Variants in ENOX2 observed in about 807,000 individuals in gnomAD.
The protein encoded by ENOX2 is ecto-NOX disulfide-thiol exchanger 2, also known as APK1 antigen.
ENOX2 carries 36 observed loss-of-function variants against 45.0 expected under a neutral mutation model. The ratio of observed to expected loss-of-function variants is 0.80; its 90% CI spans 0.61 to 1.06. The LOEUF (loss-of-function observed/expected upper bound fraction) is 1.06, where lower values mean the gene tolerates loss of function less well. Ranked by LOEUF, ENOX2 falls within the 50% of genes least tolerant of loss-of-function variation. The pLI, the probability that ENOX2 is intolerant of heterozygous loss-of-function variation, is 0.00. For missense variants in ENOX2, 423 were observed against 462.5 expected, an observed-to-expected ratio of 0.91 and a Z score of 0.78; for synonymous variants, 174 against 152.3, an observed-to-expected ratio of 1.14 and a Z score of -1.05.
chrX:130,629,459 C>A (rs990959506), intron 13 of ENOX2, among the ~76,000 whole-genome samples: 1 of 112,617 alleles, frequency 8.9e-6, no homozygotes, highest in African/African-American at 3.2e-5. Context: ...TTTTAAGAAT[C>A]TTTTTTTCTA....
intron 2 of ENOX2, among the ~76,000 whole-genome samples, chrX:130,827,653 GAATA>G (rs753043620): frequency 1.4e-4 from 16 of 111,378 alleles, no homozygotes; most frequent in Non-Finnish European, 1.7e-4. Context: ...CTATATTAAT[GAATA>G]AATAAATAGA....
rs58614647 is a variant in ENOX2, at chrX:130,722,750, G to T, written c.-38-19496C>A. 4.7e-3 allele frequency among the ~76,000 whole-genome samples: 527 copies of T among 112,150 alleles called. 5 individuals are homozygous for T. Among genetic ancestry groups the T allele is most frequent in the African/African-American group, 0.017 (511 of 30,868 alleles). ...GCGGGGATTATTAAATTCCACCTAA[G>T]CTCATCAGAGGAGAGAATTGAGGTT... On this transcript the variant is annotated intron_variant, in intron 3 of 14. Transcript: ENST00000394363.
intron 3 of ENOX2, among the ~76,000 whole-genome samples, chrX:130,717,512 T>C (rs1358540324): frequency 1.8e-5 from 2 of 112,070 alleles, no homozygotes; most frequent in Admixed American, 1.9e-4. Context: ...AAATCACCAC[T>C]TCTTGAGAAA....
At chrX:130,752,565 TG>T (rs1427105130) in intron 3 of ENOX2, among the ~76,000 whole-genome samples, 4 of 110,997 alleles carry the variant, frequency 3.6e-5, no homozygotes, top group Middle Eastern at 4.6e-3. Flanking sequence ...CGGTTCTACC[TG>T]ATTCTCCTGA....
chrX:130,744,934 T>C (rs2039066356), intron 3 of ENOX2, among the ~76,000 whole-genome samples: 1 of 111,137 alleles, frequency 9.0e-6, no homozygotes, highest in Non-Finnish European at 1.9e-5. Flanking sequence ...CGAACCCTAT[T>C]GTGAATTGTG....
At position 130,625,074 on chromosome X, in the gene ENOX2, C is replaced by A. The variant is rs957313005; in HGVS notation, c.*240G>T. The A allele has an allele frequency of 2.7e-5, 9 of 332,588 alleles. No individual in the cohort carries two copies. The highest frequency in any genetic ancestry group is 2.4e-4 in the African/African-American group (9 of 37,777). 27.4% of individuals were successfully genotyped at this position (332,588 alleles called of 1,213,427 possible). ...TCAGGACTTTTGCAATATTTAAAGACAACCAATTGACAGAAAGGGGAGGAA... is the reference window on the plus strand; with the variant it reads ...TCAGGACTTTTGCAATATTTAAAGAAAACCAATTGACAGAAAGGGGAGGAA... On this transcript the variant is annotated 3_prime_UTR_variant, in exon 15 of 15. Coordinates refer to ENST00000394363, the MANE Select transcript of ENOX2 (RefSeq NM_006375.4).
intron 3 of ENOX2, among the ~76,000 whole-genome samples, chrX:130,729,757 A>G (rs1006552536): frequency 1.8e-5 from 2 of 112,672 alleles, no homozygotes; most frequent in Admixed American, 1.9e-4. Context: ...GGCCTGCTCA[A>G]TCACTAGAAA....
intron 2 of ENOX2, among the ~76,000 whole-genome samples, chrX:130,861,348 A>T (rs911625211): frequency 5.4e-5 from 6 of 111,437 alleles, no homozygotes; most frequent in Non-Finnish European, 1.1e-4. Flanking sequence ...AAGCAATCTA[A>T]ATGTCCATTT....
chrX:130,688,854 GAAT>G lies in ENOX2; in HGVS notation c.253+6_253+8del, dbSNP rs1198176590. ...TGTGTCTTGTGTGGAGAAAAAAGCA[GAAT>G]ATTACTTGGATTTGGAGGGAAGAGC... On this transcript the variant is annotated splice_donor_region_variant and intron_variant, in intron 5 of 14. Coordinates refer to ENST00000394363, the MANE Select transcript of ENOX2 (RefSeq NM_006375.4). 1 of 1,178,144 alleles carries G rather than the reference GAAT, an allele frequency of 8.5e-7. No individual in the cohort carries two copies. The highest frequency in any genetic ancestry group is 2.3e-5 in the Admixed American group (1 of 44,054).
chrX:130,656,903 C>G (rs1257223198), intron 9 of ENOX2, among the ~76,000 whole-genome samples: 1 of 111,831 alleles, frequency 8.9e-6, no homozygotes, highest in Non-Finnish European at 1.9e-5. Context: ...ATTAGGCTTT[C>G]TTTCCAGACC....
intron 10 of ENOX2, 35 bp from the exon 11 acceptor site, chrX:130,637,445 C>T: frequency 1.8e-6 from 2 of 1,131,053 alleles, no homozygotes; most frequent in Non-Finnish European, 2.4e-6. Flanking sequence ...ACCATATATC[C>T]AGATTCATTT....
At chrX:130,646,671 C>G (rs1017705708) in intron 10 of ENOX2, among the ~76,000 whole-genome samples, 1 of 112,344 alleles carries the variant, frequency 8.9e-6, no homozygotes, top group East Asian at 2.8e-4. Context: ...GGACTGGTGT[C>G]ACTTCTAGGT....
chrX:130,657,164 A>T (rs2036571453), intron 9 of ENOX2, among the ~76,000 whole-genome samples: 1 of 112,014 alleles, frequency 8.9e-6, no homozygotes, highest in South Asian at 3.7e-4. Context: ...ATGAGCTTTC[A>T]GGAGTAATAT....
chrX:130,897,274 A>G (rs2079072908), intron 2 of ENOX2, among the ~76,000 whole-genome samples: 1 of 112,013 alleles, frequency 8.9e-6, no homozygotes, highest in South Asian at 3.7e-4. Context: ...ATTTCCGTAC[A>G]TGAGCACAAT....
intron 6 of ENOX2, among the ~76,000 whole-genome samples, chrX:130,673,729 G>A (rs186903405): frequency 8.9e-6 from 1 of 112,140 alleles, no homozygotes; most frequent in Non-Finnish European, 1.9e-5. Context: ...TGAGTGAGAA[G>A]AATAAAAGTA....
At chrX:130,853,930 C>T (rs2078263358) in intron 2 of ENOX2, among the ~76,000 whole-genome samples, 1 of 111,445 alleles carries the variant, frequency 9.0e-6, no homozygotes, top group African/African-American at 3.3e-5. Context: ...ATGACCACTT[C>T]CCCTGCCAGC....
chrX:130,671,983 A>G (rs1476317446), intron 6 of ENOX2, among the ~76,000 whole-genome samples: 1 of 112,173 alleles, frequency 8.9e-6, no homozygotes, highest in Admixed American at 9.4e-5. Flanking sequence ...TTTAAAAATC[A>G]GCCAATCCAA....
At chrX:130,805,842 A>T (rs926111273) in intron 2 of ENOX2, among the ~76,000 whole-genome samples, 1 of 112,082 alleles carries the variant, frequency 8.9e-6, no homozygotes, top group South Asian at 3.7e-4. Context: ...TGTGATGGCA[A>T]TGATTGTTCC....
intron 2 of ENOX2, among the ~76,000 whole-genome samples, chrX:130,836,576 A>G (rs1199965464): frequency 1.1e-4 from 12 of 111,619 alleles, no homozygotes; most frequent in African/African-American, 3.9e-4. Context: ...GTATTTCTCC[A>G]GAGCAGTTCT....
Sources: allele counts gnomAD v4.1 joint callset (sites outside exome capture counted in the v4.1 genomes callset), GRCh38; gene constraint gnomAD v4.1.1; transcripts MANE v1.5; gene names NCBI Gene and HGNC (gene_info 2026-07-23, HGNC 2026-07-21).